PCNX2: variants seen among roughly 807,000 people sequenced by gnomAD.
PCNX2 encodes pecanex 2.
PCNX2 carries 168 observed loss-of-function variants against 223.8 expected under a neutral mutation model. That is an observed-to-expected ratio of 0.75 (90% CI 0.66 to 0.85). The LOEUF (loss-of-function observed/expected upper bound fraction) is 0.85. Among genes scored for constraint, PCNX2 ranks in the 40% least tolerant of loss-of-function variants. PCNX2 has a pLI of 0.00. For synonymous variants in PCNX2, 1,006 were observed against 1,052.6 expected, an observed-to-expected ratio of 0.96 and a Z score of 0.86; for missense variants, 2,507 against 2,675.5, an observed-to-expected ratio of 0.94 and a Z score of 1.39.
chr1:233,113,051 A>G (rs1401697624), intron 21 of PCNX2: 1 of 1,251,162 alleles, frequency 8.0e-7, no homozygotes, highest in Non-Finnish European at 1.0e-6. Context: ...ACTTTCCTGC[A>G]ATTACACAAT....
chr1:232,997,334 C>T (rs1241461246), intron 32 of PCNX2, among the ~76,000 whole-genome samples: 1 of 152,224 alleles, frequency 6.6e-6, no homozygotes, highest in Middle Eastern at 3.2e-3. Context: ...TTGCATACAT[C>T]CTACTGTCTC....
At chr1:233,298,396 G>A (rs970943266), upstream of PCNX2, among the ~76,000 whole-genome samples, 9 of 152,142 alleles carry the variant, frequency 5.9e-5, no homozygotes, top group African/African-American at 2.2e-4. Flanking sequence ...GCCATTTTGA[G>A]GATTAAAGAT....
chr1:233,027,860 C>T (rs1044204912), intron 25 of PCNX2, among the ~76,000 whole-genome samples: 6 of 152,202 alleles, frequency 3.9e-5, no homozygotes, highest in African/African-American at 1.4e-4. Context: ...TTCTTCTTTG[C>T]TAATATAAAC....
At chr1:233,144,051 T>A (rs1536226) in intron 19 of PCNX2, among the ~76,000 whole-genome samples, 1 of 151,860 alleles carries the variant, frequency 6.6e-6, no homozygotes, top group Admixed American at 6.6e-5. Flanking sequence ...CATGGTGGTG[T>A]GTGCTTGTAG....
intron 21 of PCNX2, among the ~76,000 whole-genome samples, chr1:233,129,962 T>C (rs1455096237): frequency 6.6e-6 from 1 of 152,160 alleles, no homozygotes; most frequent in Non-Finnish European, 1.5e-5. Flanking sequence ...TGCTCACTGT[T>C]CGGGTCCACA....
chr1:233,281,099 G>A (rs1260947675), intron 1 of PCNX2, among the ~76,000 whole-genome samples: 1 of 152,204 alleles, frequency 6.6e-6, no homozygotes, highest in Non-Finnish European at 1.5e-5. Flanking sequence ...TGTGTACACA[G>A]TCGGAGGGGT....
At chr1:233,133,392 TCAGAA>T (rs994610168) in intron 21 of PCNX2, among the ~76,000 whole-genome samples, 1 of 152,046 alleles carries the variant, frequency 6.6e-6, no homozygotes. Context: ...GATAAGTTAA[TCAGAA>T]CAGAACAGAA....
At chr1:233,191,022 A>G (rs1427076848) in intron 15 of PCNX2, among the ~76,000 whole-genome samples, 1 of 152,238 alleles carries the variant, frequency 6.6e-6, no homozygotes, top group East Asian at 1.9e-4. Context: ...AGGGAATAAC[A>G]GTATCTGTCC....
At chr1:233,299,295 G>A (rs1434931638), upstream of PCNX2, among the ~76,000 whole-genome samples, 3 of 152,018 alleles carry the variant, frequency 2.0e-5, no homozygotes, top group African/African-American at 4.8e-5. Flanking sequence ...AACTACATAT[G>A]TTTGCTCTAT....
At chr1:233,232,326 TG>T (rs1265034100) in intron 9 of PCNX2, among the ~76,000 whole-genome samples, 3 of 152,208 alleles carry the variant, frequency 2.0e-5, no homozygotes, top group African/African-American at 7.2e-5. Context: ...TTGTATTTGA[TG>T]ATTTTGCCCA....
chr1:233,053,407 C>T (rs1672077279), intron 25 of PCNX2, among the ~76,000 whole-genome samples: 1 of 152,158 alleles, frequency 6.6e-6, no homozygotes, highest in African/African-American at 2.4e-5. Flanking sequence ...CCCTCATCCT[C>T]TGCAGTGACT....
intron 5 of PCNX2, among the ~76,000 whole-genome samples, chr1:233,257,726 C>T (rs2102993261): frequency 6.6e-6 from 1 of 152,280 alleles, no homozygotes; most frequent in South Asian, 2.1e-4. Context: ...CGAGTACTTG[C>T]CACAGTAGTA....
intron 13 of PCNX2, 72 bp downstream of exon 13, chr1:233,208,446 A>C: frequency 4.1e-6 from 6 of 1,448,896 alleles, no homozygotes; most frequent in Non-Finnish European, 5.6e-6. Flanking sequence ...GGAAGCTTAG[A>C]AATTCAGAAG....
At chr1:233,291,854 A>G in intron 1 of PCNX2, 14 of 985,302 alleles carry the variant, frequency 1.4e-5, no homozygotes, top group Non-Finnish European at 1.7e-5. Context: ...GGAGGTTGGG[A>G]ACTGTGTATT....
At chr1:233,020,518 C>T (rs1237128535) in intron 26 of PCNX2, among the ~76,000 whole-genome samples, 1 of 152,246 alleles carries the variant, frequency 6.6e-6, no homozygotes, top group Non-Finnish European at 1.5e-5. Context: ...AGCAGGGATT[C>T]TCCTGGTTCC....
intron 26 of PCNX2, chr1:233,019,223 G>GCCTTTGACATCTGTGACTTACCTACCCA (rs1670790481): frequency 1.0e-6 from 1 of 984,582 alleles, no homozygotes; most frequent in South Asian, 4.7e-5. Flanking sequence ...TGTGGTTCAT[G>GCCTTTGACATCTGTGACTTACCTACCCA]GCTGATGCTC....
chr1:233,002,785 T>A (rs1460158690), intron 28 of PCNX2, among the ~76,000 whole-genome samples: 3 of 152,172 alleles, frequency 2.0e-5, no homozygotes, highest in Non-Finnish European at 4.4e-5. Flanking sequence ...CAAAACAGCA[T>A]GGTACTGGTA....
intron 25 of PCNX2, among the ~76,000 whole-genome samples, chr1:233,047,689 A>G (rs1205194196): frequency 1.3e-5 from 2 of 152,210 alleles, no homozygotes; most frequent in African/African-American, 4.8e-5. Flanking sequence ...ACATTGGAGC[A>G]CCCAGATTCA....
chr1:232,999,406 A>G, intron 30 of PCNX2, 27 bp from the exon 31 acceptor site: 1 of 1,566,088 alleles, frequency 6.4e-7, no homozygotes, highest in African/African-American at 1.4e-5. Context: ...GAACGGGAAG[A>G]AAGGCAGAAG....
Sources: gnomAD v4.1 joint callset for allele counts (sites outside exome capture counted in the v4.1 genomes callset) on GRCh38, gnomAD v4.1.1 for gene constraint, MANE v1.5 for transcripts, NCBI Gene and HGNC (gene_info 2026-07-23, HGNC 2026-07-21) for gene names.